LHFPL3: variants seen among roughly 807,000 people sequenced by gnomAD.
LHFPL3 encodes LHFPL tetraspan subfamily member 3, also known as LHFPL tetraspan subfamily member 3 protein.
LHFPL3 carries 5 observed loss-of-function variants against 19.3 expected under a neutral mutation model. The ratio of observed to expected loss-of-function variants is 0.26; its 90% CI spans 0.14 to 0.54. The LOEUF is 0.54. Among genes scored for constraint, LHFPL3 ranks in the 20% least tolerant of loss-of-function variants. LHFPL3 has a pLI of 0.94. For missense variants in LHFPL3, 249 were observed against 307.4 expected (o/e 0.81, Z 1.42); for synonymous variants, 133 against 126.2 (o/e 1.05, Z -0.36).
At chr7:104,794,854 A>G (rs1333620532) in intron 2 of LHFPL3, among the ~76,000 whole-genome samples, 1 of 152,196 alleles carries the variant, frequency 6.6e-6, no homozygotes, top group Non-Finnish European at 1.5e-5. Context: ...TAATAGGAGA[A>G]ATTACTGCAA....
chr7:104,498,019 G>T (rs1245077003), intron 1 of LHFPL3, among the ~76,000 whole-genome samples: 1 of 152,138 alleles, frequency 6.6e-6, no homozygotes, highest in Non-Finnish European at 1.5e-5. Flanking sequence ...CCTAGGTGTG[G>T]GGTGGAACAA....
At chr7:104,771,574 T>A (rs1400525335) in intron 2 of LHFPL3, among the ~76,000 whole-genome samples, 1 of 152,174 alleles carries the variant, frequency 6.6e-6, no homozygotes, top group East Asian at 1.9e-4. Context: ...AATTACATTT[T>A]GAGTATTTCA....
At chr7:104,482,165 A>G (rs1793149860) in intron 1 of LHFPL3, among the ~76,000 whole-genome samples, 1 of 151,964 alleles carries the variant, frequency 6.6e-6, no homozygotes, top group South Asian at 2.1e-4. Context: ...CTCACACTGG[A>G]CTCCTGGGAA....
At chr7:104,820,839 T>C (rs994948590) in intron 2 of LHFPL3, among the ~76,000 whole-genome samples, 1 of 152,176 alleles carries the variant, frequency 6.6e-6, no homozygotes, top group Non-Finnish European at 1.5e-5. Context: ...TCCTTTGGAA[T>C]AAGCCCACTA....
At chr7:104,620,566 GC>G (rs1029429050) in intron 1 of LHFPL3, among the ~76,000 whole-genome samples, 4 of 152,218 alleles carry the variant, frequency 2.6e-5, no homozygotes, top group African/African-American at 9.6e-5. Flanking sequence ...ACTAGTTTCA[GC>G]CTTTTTCGTT....
At chr7:104,765,637 A>G (rs1003544996) in intron 2 of LHFPL3, among the ~76,000 whole-genome samples, 3 of 152,212 alleles carry the variant, frequency 2.0e-5, no homozygotes, top group African/African-American at 7.2e-5. Context: ...GAGCTTATAC[A>G]TGTACAAAGT....
chr7:104,466,338 G>T (rs1260306996), intron 1 of LHFPL3, among the ~76,000 whole-genome samples: 2 of 152,138 alleles, frequency 1.3e-5, no homozygotes, highest in African/African-American at 4.8e-5. Context: ...GAATTGAAGG[G>T]CTAAAGTGCA....
chr7:104,897,010 C>T (rs1010219964), intron 2 of LHFPL3, among the ~76,000 whole-genome samples: 4 of 151,350 alleles, frequency 2.6e-5, no homozygotes, highest in African/African-American at 4.9e-5. Flanking sequence ...CAGTTGAACA[C>T]GGGAGGCAGA....
intron 1 of LHFPL3, among the ~76,000 whole-genome samples, chr7:104,606,799 C>G (rs752097569): frequency 1.6e-4 from 24 of 151,956 alleles, no homozygotes; most frequent in Non-Finnish European, 2.6e-4. Flanking sequence ...GGGCAGGGGT[C>G]TAGGGTATAG....
intron 2 of LHFPL3, among the ~76,000 whole-genome samples, chr7:104,777,052 A>C (rs928004804): frequency 2.6e-5 from 4 of 152,198 alleles, no homozygotes; most frequent in Non-Finnish European, 4.4e-5. Flanking sequence ...AGTAAGTGTC[A>C]TGACCTCTGG....
intron 1 of LHFPL3, among the ~76,000 whole-genome samples, chr7:104,379,619 A>G (rs73712113): frequency 2.0e-5 from 3 of 152,232 alleles, no homozygotes; most frequent in African/African-American, 7.2e-5. Flanking sequence ...TACAATAGAC[A>G]CATTGGCTGA....
intron 1 of LHFPL3, among the ~76,000 whole-genome samples, chr7:104,391,670 C>T (rs1791071577): frequency 6.6e-6 from 1 of 151,960 alleles, no homozygotes; most frequent in African/African-American, 2.4e-5. Context: ...CAATGCGGGC[C>T]CTTTTTTGGT....
At chr7:104,799,588 A>G (rs1790200986) in intron 2 of LHFPL3, 1 of 152,564 alleles carries the variant, frequency 6.6e-6, no homozygotes, top group Admixed American at 6.5e-5. Context: ...GCCTCCATCT[A>G]TATCACGACA....
chr7:104,864,365 C>CA (rs34785081), intron 2 of LHFPL3, among the ~76,000 whole-genome samples: 37 of 149,006 alleles, frequency 2.5e-4, no homozygotes, highest in South Asian at 6.3e-4. Context: ...CTTTCCTAGT[C>CA]AAAAAAAAAA....
At chr7:104,447,931 T>C (rs561258246) in intron 1 of LHFPL3, among the ~76,000 whole-genome samples, 2 of 152,302 alleles carry the variant, frequency 1.3e-5, no homozygotes, top group East Asian at 1.9e-4. Flanking sequence ...ATTGCGATTT[T>C]TGTGGGTCAA....
intron 1 of LHFPL3, among the ~76,000 whole-genome samples, chr7:104,537,442 G>A (rs1375565418): frequency 1.3e-5 from 2 of 151,962 alleles, no homozygotes; most frequent in Non-Finnish European, 2.9e-5. Flanking sequence ...TTTGTTTTTT[G>A]TTTGTTTGTT....
intron 1 of LHFPL3, among the ~76,000 whole-genome samples, chr7:104,352,784 T>C (rs914424288): frequency 6.6e-6 from 1 of 152,206 alleles, no homozygotes; most frequent in Non-Finnish European, 1.5e-5. Context: ...TCACGTGACC[T>C]CACTTCCACA....
At chr7:104,403,529 T>C (rs538380841) in intron 1 of LHFPL3, among the ~76,000 whole-genome samples, 27 of 152,358 alleles carry the variant, frequency 1.8e-4, no homozygotes, top group African/African-American at 6.5e-4. Flanking sequence ...ATGGAGCCAT[T>C]CAACTCTTCT....
chr7:104,457,277 A>T (rs926880811), intron 1 of LHFPL3, among the ~76,000 whole-genome samples: 4 of 61,278 alleles, frequency 6.5e-5, no homozygotes, highest in Admixed American at 1.8e-4. Context: ...CCATCCCCCC[A>T]CCCCACAACA....
Sources: gnomAD v4.1 joint callset for allele counts (sites outside exome capture counted in the v4.1 genomes callset) on GRCh38, gnomAD v4.1.1 for gene constraint, MANE v1.5 for transcripts, NCBI Gene and HGNC (gene_info 2026-07-23, HGNC 2026-07-21) for gene names.